The following DAB1 variants were observed in gnomAD, a reference collection of about 807,000 sequenced individuals.
DAB1 encodes the protein DAB adaptor protein 1.
In DAB1, 15 loss-of-function variants were observed where a neutral mutation model predicts 64.6. That is an observed-to-expected ratio of 0.23 (90% CI 0.16 to 0.36). The LOEUF (loss-of-function observed/expected upper bound fraction) is 0.36. DAB1 is among the 10% of genes least tolerant of loss of function. The pLI is 1.00. For synonymous variants in DAB1, 235 were observed against 251.9 expected, an observed-to-expected ratio of 0.93 and a Z score of 0.64; for missense variants, 596 against 706.7, an observed-to-expected ratio of 0.84 and a Z score of 1.78.
At chr1:57,197,685 C>T (rs1664745985) in intron 2 of DAB1, among the ~76,000 whole-genome samples, 1 of 152,176 alleles carries the variant, frequency 6.6e-6, no homozygotes, top group Non-Finnish European at 1.5e-5. Flanking sequence ...GGTTTTACAT[C>T]CCCTTTGAAT....
chr1:58,459,554 C>A (rs931884238), intron 3 of DAB1, among the ~76,000 whole-genome samples: 23 of 151,876 alleles, frequency 1.5e-4, no homozygotes, highest in Admixed American at 1.4e-3. Flanking sequence ...GGCAAGAGGC[C>A]CAAAGGAGAA....
chr1:58,002,205 G>C (rs545505679), intron 5 of DAB1, among the ~76,000 whole-genome samples: 1 of 152,302 alleles, frequency 6.6e-6, no homozygotes, highest in East Asian at 1.9e-4. Context: ...CACTGATCTT[G>C]AGCTGTATCC....
chr1:58,148,038 G>A (rs1023375071), intron 5 of DAB1, among the ~76,000 whole-genome samples: 17 of 149,354 alleles, frequency 1.1e-4, no homozygotes. Context: ...TGTGTTTTCA[G>A]TGACAAATGG....
At chr1:57,450,228 C>T (rs1256236558) in intron 7 of DAB1, among the ~76,000 whole-genome samples, 5 of 152,104 alleles carry the variant, frequency 3.3e-5, no homozygotes, top group Non-Finnish European at 5.9e-5. Flanking sequence ...AAAGTGTAAA[C>T]GACTGACACT....
chr1:57,400,084 T>C lies in DAB1; in HGVS notation c.-137+23846A>G, dbSNP rs1372285537. On this transcript the variant is annotated intron_variant, in intron 1 of 14. Coordinates refer to ENST00000371236, the MANE Select transcript of DAB1 (RefSeq NM_001365792.1). ...TAAGAGGGCCTTTGGAATTATCATC[T>C]AAATGTCTTTCAAACTTGTAATATC... Among the ~76,000 whole-genome samples the C allele has an allele frequency of 2.0e-5, 3 of 152,206 alleles. No homozygotes were observed. The East Asian group carries it at 5.8e-4, about 29-fold the overall frequency.
At chr1:57,452,191 AT>A (rs1251538544) in intron 7 of DAB1, among the ~76,000 whole-genome samples, 1 of 56,986 alleles carries the variant, frequency 1.8e-5, no homozygotes, top group African/African-American at 7.0e-5. Flanking sequence ...TTTTTTTGAC[AT>A]GGTCTTGCTC....
chr1:58,160,855 A>G (rs1411719673), intron 4 of DAB1, among the ~76,000 whole-genome samples: 2 of 152,160 alleles, frequency 1.3e-5, no homozygotes, highest in Non-Finnish European at 2.9e-5. Flanking sequence ...TTCTTCTGCT[A>G]TGTCACTAAT....
chr1:57,889,481 C>A (rs770723412), intron 5 of DAB1, among the ~76,000 whole-genome samples: 3 of 152,226 alleles, frequency 2.0e-5, no homozygotes, highest in Non-Finnish European at 4.4e-5. Context: ...ATACCTGACA[C>A]TGATTTGCAA....
At chr1:58,461,678 A>C (rs1228516671) in intron 3 of DAB1, among the ~76,000 whole-genome samples, 1 of 152,200 alleles carries the variant, frequency 6.6e-6, no homozygotes, top group African/African-American at 2.4e-5. Flanking sequence ...GGAGATGAAC[A>C]ATGGTGGTTC....
At chr1:58,537,271 G>C (rs2100489715) in intron 1 of DAB1, among the ~76,000 whole-genome samples, 1 of 152,202 alleles carries the variant, frequency 6.6e-6, no homozygotes, top group South Asian at 2.1e-4. Context: ...AATTATGTAA[G>C]AGGTTACAGT....
rs116500756 is a variant in DAB1, at chr1:57,993,008, T to C, written n.388-108846A>G. On this transcript the variant is annotated intron_variant and non_coding_transcript_variant, in intron 5 of 20. Transcript: ENST00000485760. ...ATGTAAATCTCAGTACACCTTTTTA[T>C]GAGCAAGAAAAAACTGAGGTTGACA... Among the ~76,000 whole-genome samples the C allele has an allele frequency of 8.7e-3, 1,319 of 152,284 alleles. 15 individuals are homozygous for C. The highest frequency in any genetic ancestry group is 0.03 in the African/African-American group (1,251 of 41,550).
intron 7 of DAB1, among the ~76,000 whole-genome samples, chr1:57,553,427 A>AAAG: frequency 6.8e-5 from 1 of 14,682 alleles, no homozygotes; most frequent in Non-Finnish European, 7.7e-4. Flanking sequence ...AGAAAGAAAG[A>AAAG]AAGAAAGAAA....
intron 1 of DAB1, among the ~76,000 whole-genome samples, chr1:57,853,718 T>C (rs1653633600): frequency 6.6e-6 from 1 of 152,184 alleles, no homozygotes; most frequent in Admixed American, 6.5e-5. Flanking sequence ...CTGATTTTTT[T>C]CCCCAAGAAG....
At chr1:58,123,502 C>T (rs1247186215) in intron 5 of DAB1, among the ~76,000 whole-genome samples, 1 of 152,122 alleles carries the variant, frequency 6.6e-6, no homozygotes, top group African/African-American at 2.4e-5. Context: ...ATTTTGGGAG[C>T]TCTCTTCTTC....
intron 6 of DAB1, among the ~76,000 whole-genome samples, chr1:57,687,770 T>C (rs1646718487): frequency 6.6e-6 from 1 of 152,006 alleles, no homozygotes; most frequent in Non-Finnish European, 1.5e-5. Flanking sequence ...GCTACACATC[T>C]ACAACCATCT....
At chr1:58,173,800 T>C (rs1447139032) in intron 4 of DAB1, among the ~76,000 whole-genome samples, 1 of 152,136 alleles carries the variant, frequency 6.6e-6, no homozygotes, top group Non-Finnish European at 1.5e-5. Context: ...TGCACCTTAG[T>C]CTTTCTAAGT....
chr1:57,048,671 G>T (rs1192948456), intron 9 of DAB1, among the ~76,000 whole-genome samples: 1 of 152,054 alleles, frequency 6.6e-6, no homozygotes, highest in African/African-American at 2.4e-5. Context: ...AGTAGGTGGG[G>T]GGGCTTCACC....
At chr1:57,585,125 T>G (rs748150656) in intron 7 of DAB1, among the ~76,000 whole-genome samples, 72 of 151,774 alleles carry the variant, frequency 4.7e-4, no homozygotes, top group Non-Finnish European at 8.5e-4. Flanking sequence ...GGTGGGTGGC[T>G]GTAATGCCAG....
chr1:57,011,081 A>G (rs1646252205), intron 13 of DAB1, 64 bp downstream of exon 13: 10 of 1,599,580 alleles, frequency 6.3e-6, no homozygotes, highest in African/African-American at 2.7e-5. Context: ...TGCATTATCC[A>G]TTTCAGTTAC....
Sources: allele counts gnomAD v4.1 joint callset (sites outside exome capture counted in the v4.1 genomes callset), GRCh38; gene constraint gnomAD v4.1.1; transcripts MANE v1.5; gene names NCBI Gene and HGNC (gene_info 2026-07-23, HGNC 2026-07-21).